TTC12: variants seen among roughly 807,000 people sequenced by gnomAD.
The protein encoded by TTC12 is tetratricopeptide repeat protein 12.
Under a neutral mutation model 90.1 loss-of-function variants are expected in TTC12, and 70 were observed. The observed-to-expected ratio is 0.78, with a 90% CI of 0.64 to 0.95. The LOEUF (loss-of-function observed/expected upper bound fraction) is 0.95. Among genes scored for constraint, TTC12 ranks in the 40% least tolerant of loss-of-function variants. TTC12 has a pLI of 0.00. For missense variants in TTC12, 819 were observed against 846.1 expected (o/e 0.97, Z 0.40); for synonymous variants, 296 against 311.5 (o/e 0.95, Z 0.53).
rs1342629432 is a variant in TTC12 at position 113,314,602 on chromosome 11, A to G, written c.-32A>G. ...CAGGTCACTGCGCCATTTCCTGTCC[A>G]AAGCTGGGCGAATCAGGTCGGTGCC... is the stretch of plus-strand genomic sequence containing the variant. On this transcript the variant is annotated 5_prime_UTR_variant, in exon 1 of 22. Transcript: ENST00000529221. 5.2e-5 allele frequency: 8 copies of G among 152,828 alleles called. No homozygotes were observed. The highest frequency in any genetic ancestry group is 1.2e-4 in the Non-Finnish European group (8 of 68,618). 9.5% of individuals were successfully genotyped at this position (152,828 alleles called of 1,614,324 possible). A position where few individuals can be genotyped will look rare whatever the true frequency, so the allele number is the denominator to read the frequency against.
chr11:113,324,146 A>G, intron 4 of TTC12, 131 bp downstream of exon 4: 2 of 696,076 alleles, frequency 2.9e-6, no homozygotes, highest in East Asian at 2.7e-5. Context: ...CCTACTGATC[A>G]TCCCATTCTG....
At position 113,323,999 on chromosome 11, in the gene TTC12, A is replaced by G. The variant is rs187997274; in HGVS notation, c.228A>G (p.Ala76=). Residue 76 remains alanine (A), a synonymous_variant, in exon 4 of 22, where the codon GCA becomes GCG. Transcript: ENST00000529221. The part of the protein sequence containing the change: ...ISPPQTAMKS[A]EEINSEAFLA... Reference sequence around the variant, plus strand: ...ATGGTAACCTACGTCTACAGAGTGCAGAAGAAATAAACTCAGGTAAGGACA... The same window carrying G: ...ATGGTAACCTACGTCTACAGAGTGCGGAAGAAATAAACTCAGGTAAGGACA... 3.1e-6 allele frequency: 5 copies of G among 1,612,418 alleles called. No individual in the cohort carries two copies. The African/African-American group carries it at 4.0e-5, about 13-fold the overall frequency.
At chr11:113,372,614 G>A (rs1044690445) in intron 21 of TTC12, among the ~76,000 whole-genome samples, 2 of 152,138 alleles carry the variant, frequency 1.3e-5, no homozygotes, top group African/African-American at 4.8e-5. Flanking sequence ...ATGAGTAAGA[G>A]CTATGATTCA....
At chr11:113,362,371 A>G in intron 18 of TTC12, 30 bp from the exon 19 acceptor site, 3 of 1,533,908 alleles carry the variant, frequency 2.0e-6, no homozygotes. Flanking sequence ...TGAAAAGGAC[A>G]TTTAATTATC....
intron 16 of TTC12, among the ~76,000 whole-genome samples, chr11:113,357,609 C>A (rs1261483497): frequency 1.3e-5 from 2 of 151,892 alleles, no homozygotes; most frequent in African/African-American, 4.8e-5. Flanking sequence ...AATTTTTTTT[C>A]TTTTATCTTA....
Position 113,323,414 on chromosome 11 carries a change from A to G in TTC12, c.185A>G (p.Asn62Ser), listed in dbSNP as rs141432360. 6.8e-5 allele frequency: 109 copies of G among 1,611,336 alleles called. 1 individual carries two copies. The African/African-American group carries it at 1.0e-3, about 15-fold the overall frequency. ...QEEDECRTTL[N>S]KTMISPPQTA... is the part of the protein sequence containing the mutation. Reference sequence around the variant, plus strand: ...GAGGATGAATGCAGGACCACCTTGAACAAGACTATGATCAGTCCTCCACAA... The same window carrying G: ...GAGGATGAATGCAGGACCACCTTGAGCAAGACTATGATCAGTCCTCCACAA... The change falls in exon 3 of 22, where the codon AAC becomes AGC. Residue 62 changes from asparagine (N) to serine (S), a missense_variant. Coordinates refer to ENST00000529221, the MANE Select transcript of TTC12 (RefSeq NM_017868.4).
intron 2 of TTC12, among the ~76,000 whole-genome samples, chr11:113,317,130 C>T (rs1368205483): frequency 6.6e-6 from 1 of 152,190 alleles, no homozygotes; most frequent in African/African-American, 2.4e-5. Context: ...CCTTTCTCTT[C>T]AGCTGGTCTA....
chr11:113,322,238 C>G (rs2137920850), intron 2 of TTC12, among the ~76,000 whole-genome samples: 1 of 152,154 alleles, frequency 6.6e-6, no homozygotes, highest in African/African-American at 2.4e-5. Flanking sequence ...GGGGAGGAGA[C>G]AGAGCATTAG....
rs782175951 is a variant in TTC12, at chr11:113,339,490, G to A, written c.826+16G>A. ...ATAAATGAGTGTAAGCCAGAGATGT[G>A]TGTGATCTCATGAGTGCTGTCAGTG... On this transcript the variant is annotated intron_variant, in intron 10 of 21. Transcript: ENST00000529221. The A allele has an allele frequency of 6.2e-7, 1 of 1,601,792 alleles. No homozygotes were observed. The highest frequency in any genetic ancestry group is 1.7e-5 in the Admixed American group (1 of 57,770).
chr11:113,370,404 C>T (rs972298629), downstream of TTC12, among the ~76,000 whole-genome samples: 4 of 152,224 alleles, frequency 2.6e-5, no homozygotes, highest in Admixed American at 6.5e-5. Flanking sequence ...GCTAGCCCAG[C>T]GGGACATCCA....
In TTC12 at chr11:113,356,483, C is replaced by T. The variant is rs77465866; in HGVS notation, c.1447-2880C>T. On this transcript the variant is annotated intron_variant, in intron 16 of 21. Transcript: ENST00000529221. Reference sequence around the variant, plus strand: ...CTATGTGTGGATTTGATCCCATCATCGTGATATTAGATGGTTATTTTGCTG... The same window carrying T: ...CTATGTGTGGATTTGATCCCATCATTGTGATATTAGATGGTTATTTTGCTG... Among the ~76,000 whole-genome samples, 24 of 152,260 alleles carry T rather than the reference C, an allele frequency of 1.6e-4. No individual in the cohort carries two copies. The East Asian group carries it at 1.9e-3, about 12-fold the overall frequency.
downstream of TTC12, among the ~76,000 whole-genome samples, chr11:113,366,882 C>T (rs770630017): frequency 2.6e-5 from 4 of 152,214 alleles, no homozygotes; most frequent in African/African-American, 4.8e-5. Flanking sequence ...GGAATCATTC[C>T]TGGGGGTCCC....
chr11:113,323,516 G>C, intron 3 of TTC12, 65 bp downstream of exon 3: 9 of 1,147,358 alleles, frequency 7.8e-6, no homozygotes, highest in Non-Finnish European at 1.1e-5. Context: ...CTAGGCAGTA[G>C]TTTAATCTCA....
chr11:113,368,063 A>G, downstream of TTC12: 1 of 678,820 alleles, frequency 1.5e-6, no homozygotes, highest in Non-Finnish European at 2.1e-6. Context: ...TTTGAAGTTC[A>G]GGCCCCGCCT....
chr11:113,316,065 C>G, intron 1 of TTC12, 178 bp from the exon 2 acceptor site: 1 of 391,396 alleles, frequency 2.6e-6, no homozygotes, highest in Non-Finnish European at 4.6e-6. Context: ...TAAATGAGTG[C>G]CTCTTGGCCT....
intron 8 of TTC12, among the ~76,000 whole-genome samples, chr11:113,338,092 TG>T (rs1948475196): frequency 6.6e-6 from 1 of 152,188 alleles, no homozygotes; most frequent in African/African-American, 2.4e-5. Flanking sequence ...TTGTTGTTGT[TG>T]TTGTTTTCTG....
chr11:113,368,070 G>A (rs537039742), downstream of TTC12: 9 of 777,056 alleles, frequency 1.2e-5, no homozygotes, highest in African/African-American at 3.6e-5. Flanking sequence ...TTCAGGCCCC[G>A]CCTTCCCCTG....
At chr11:113,340,873 GTGCAAAGCT>G in intron 11 of TTC12, 140 bp downstream of exon 11, 1 of 678,666 alleles carries the variant, frequency 1.5e-6, no homozygotes, top group Middle Eastern at 2.5e-4. Context: ...CTCTCCAGGA[GTGCAAAGCT>G]ACTCCACGAA....
At chr11:113,340,104 C>T (rs148049975) in intron 10 of TTC12, among the ~76,000 whole-genome samples, 127 of 152,294 alleles carry the variant, frequency 8.3e-4, no homozygotes, top group African/African-American at 2.5e-3. Context: ...CTAATGAGGG[C>T]CATACTGTTC....
Sources: gnomAD v4.1 joint callset for allele counts (sites outside exome capture counted in the v4.1 genomes callset) on GRCh38, gnomAD v4.1.1 for gene constraint, MANE v1.5 for transcripts, NCBI Gene and HGNC (gene_info 2026-07-23, HGNC 2026-07-21) for gene names.